HDAC2: variants seen among roughly 807,000 people sequenced by gnomAD.
HDAC2 encodes histone deacetylase 2.
A neutral mutation model predicts 68.5 loss-of-function variants in HDAC2; 5 were observed. The ratio of observed to expected loss-of-function variants is 0.07; its 90% CI spans 0.04 to 0.15. HDAC2 has a LOEUF of 0.15. Ranked by LOEUF, HDAC2 falls within the 10% of genes least tolerant of loss-of-function variation. The probability of loss-of-function intolerance (pLI) is 1.00; values close to 1 mark genes in which losing one functional copy is unlikely to be tolerated. For missense variants in HDAC2, 291 were observed against 600.8 expected (o/e 0.48, Z 5.39); for synonymous variants, 182 against 191.3 (o/e 0.95, Z 0.40).
chr6:113,963,049 C>G (rs1776726329), intron 1 of HDAC2, among the ~76,000 whole-genome samples: 1 of 150,962 alleles, frequency 6.6e-6, no homozygotes. Flanking sequence ...AATTCTGTAT[C>G]TCACAATTCT....
intron 1 of HDAC2, among the ~76,000 whole-genome samples, chr6:113,968,893 G>A (rs989753907): frequency 3.3e-5 from 5 of 152,116 alleles, no homozygotes; most frequent in African/African-American, 1.2e-4. Flanking sequence ...GTTCCATTGT[G>A]GTGACAACAA....
At position 113,945,385 on chromosome 6, in the gene HDAC2, A is replaced by C; in HGVS notation, c.1068T>G (p.Thr356=). 6.8e-7 allele frequency: 1 copy of C among 1,467,904 alleles called. No homozygotes were observed. The highest frequency in any genetic ancestry group is 9.5e-7 in the Non-Finnish European group (1 of 1,048,240). The allele number at this position is 1,467,904 out of a possible 1,614,324, so 90.9% of individuals were successfully genotyped here. A position where few individuals can be genotyped will look rare whatever the true frequency, so the allele number is the denominator to read the frequency against. Residue 356 remains threonine, a synonymous_variant, in exon 10 of 14, where the codon ACT becomes ACG. Transcript: ENST00000519065. ...ISPSNMTNQN[T]PEYMEKIKQR... ...ACTTTATCTTTTCCATATATTCTGG[A>C]GTGTTCTGGTTTGTCATGTTTGAAG...
intron 2 of HDAC2, chr6:113,959,460 C>T (rs917491178): frequency 6.5e-6 from 1 of 153,080 alleles, no homozygotes; most frequent in Non-Finnish European, 1.5e-5. Flanking sequence ...CTGTACTATG[C>T]TTGGCCACAC....
At position 113,933,151 on chromosome 6, in the gene HDAC2, G is replaced by A. The variant is rs1775931175; in HGVS notation, c.*7907C>T. 1 of 152,158 alleles carries A rather than the reference G, an allele frequency of 6.6e-6. No individual in the cohort carries two copies. Among genetic ancestry groups the A allele is most frequent in the Non-Finnish European group, 1.5e-5 (1 of 68,008 alleles). The allele number at this position is 152,158 out of a possible 1,614,324, so 9.4% of individuals were successfully genotyped here. A position where few individuals can be genotyped will look rare whatever the true frequency, so the allele number is the denominator to read the frequency against. ...TGTTGACATCAAAACTTTGCAGTTTGCTTTCAAAATGATGCTCATGTTCTC... is the reference window on the plus strand; with the variant it reads ...TGTTGACATCAAAACTTTGCAGTTTACTTTCAAAATGATGCTCATGTTCTC... On this transcript the variant is annotated 3_prime_UTR_variant, in exon 14 of 14. Coordinates refer to ENST00000519065, the MANE Select transcript of HDAC2 (RefSeq NM_001527.4).
intron 1 of HDAC2, 30 bp downstream of exon 1, chr6:113,970,827 G>A: frequency 5.2e-6 from 8 of 1,524,726 alleles, no homozygotes; most frequent in Non-Finnish European, 6.1e-6. Context: ...GGCCCCGCGC[G>A]CCCACCCCGA....
intron 1 of HDAC2, among the ~76,000 whole-genome samples, chr6:113,960,959 G>A (rs1776669696): frequency 6.6e-6 from 1 of 152,048 alleles, no homozygotes; most frequent in Non-Finnish European, 1.5e-5. Flanking sequence ...CACTGCATTT[G>A]CATTGTATTA....
chr6:113,965,368 G>GTT (rs201133460), intron 1 of HDAC2, among the ~76,000 whole-genome samples: 23 of 144,368 alleles, frequency 1.6e-4, no homozygotes, highest in Middle Eastern at 3.5e-3. Context: ...TACTTTTTTT[G>GTT]TTTTTTTTTT....
At chr6:113,966,551 C>T (rs1419184870) in intron 1 of HDAC2, among the ~76,000 whole-genome samples, 4 of 126,006 alleles carry the variant, frequency 3.2e-5, no homozygotes, top group African/African-American at 8.9e-5. Context: ...AGCAAAATTC[C>T]ATCTCAAAAA....
chr6:113,957,810 T>C (rs1248572312), intron 3 of HDAC2, among the ~76,000 whole-genome samples: 2 of 152,066 alleles, frequency 1.3e-5, no homozygotes, highest in African/African-American at 4.8e-5. Flanking sequence ...TTAATAGAAC[T>C]CATTATTATG....
In HDAC2 at chr6:113,939,890, TTAATA is replaced by T. The variant is rs1382496429; in HGVS notation, c.*1163_*1167del. 1 of 152,206 alleles carries T rather than the reference TTAATA, an allele frequency of 6.6e-6. No individual in the cohort carries two copies. The highest frequency in any genetic ancestry group is 2.4e-5 in the African/African-American group (1 of 41,450). The allele number at this position is 152,206 out of a possible 1,614,324, so 9.4% of individuals were successfully genotyped here. ...GGCTTGTAGAGAAATATTTTTTCTTTTAATATTTTACTGCACTGAAGAGAAATACT... is the reference window on the plus strand; with the variant it reads ...GGCTTGTAGAGAAATATTTTTTCTTTTTTTACTGCACTGAAGAGAAATACT... On this transcript the variant is annotated 3_prime_UTR_variant, in exon 14 of 14. Coordinates refer to ENST00000519065, the MANE Select transcript of HDAC2 (RefSeq NM_001527.4).
Position 113,936,324 on chromosome 6 carries a change from GCA to G in HDAC2, c.*4732_*4733del, listed in dbSNP as rs1442872934. On this transcript the variant is annotated 3_prime_UTR_variant, in exon 14 of 14. Coordinates refer to ENST00000519065, the MANE Select transcript of HDAC2 (RefSeq NM_001527.4). Reference sequence around the variant, plus strand: ...TCTTGTGGTACAGTGAGGAAATGCAGCAATTGAGAAGCTTCTAAATGCTGTAA... The same window carrying G: ...TCTTGTGGTACAGTGAGGAAATGCAGATTGAGAAGCTTCTAAATGCTGTAA... 1 of 152,122 alleles carries G rather than the reference GCA, an allele frequency of 6.6e-6. No individual in the cohort carries two copies. Among genetic ancestry groups the G allele is most frequent in the African/African-American group, 2.4e-5 (1 of 41,430 alleles). 9.4% of individuals were successfully genotyped at this position (152,122 alleles called of 1,614,324 possible). A position where few individuals can be genotyped will look rare whatever the true frequency, so the allele number is the denominator to read the frequency against.
chr6:113,966,326 G>C (rs1413737887), intron 1 of HDAC2, among the ~76,000 whole-genome samples: 1 of 152,066 alleles, frequency 6.6e-6, no homozygotes, highest in Non-Finnish European at 1.5e-5. Context: ...GAGGTGGGTG[G>C]ATCACCCCAG....
intron 9 of HDAC2, 128 bp downstream of exon 9, chr6:113,945,880 T>A: frequency 1.3e-6 from 1 of 752,430 alleles, no homozygotes; most frequent in Non-Finnish European, 2.3e-6. Context: ...TTAAGTGTAT[T>A]ATATCCATTT....
chr6:113,948,931 G>A, intron 8 of HDAC2, 48 bp downstream of exon 8: 2 of 1,596,820 alleles, frequency 1.3e-6, no homozygotes, highest in Non-Finnish European at 1.7e-6. Flanking sequence ...TTCTTGGGTG[G>A]AAGAAAAACC....
intron 1 of HDAC2, among the ~76,000 whole-genome samples, chr6:113,961,871 T>C (rs1011033313): frequency 2.0e-5 from 3 of 152,152 alleles, no homozygotes; most frequent in Non-Finnish European, 4.4e-5. Flanking sequence ...CCCATAATAA[T>C]TTCCAATATC....
At chr6:113,957,512 C>T (rs1776583490) in intron 3 of HDAC2, among the ~76,000 whole-genome samples, 1 of 150,540 alleles carries the variant, frequency 6.6e-6, no homozygotes, top group Admixed American at 6.6e-5. Context: ...GACAGAGTCT[C>T]ACTCTGTCGC....
At chr6:113,945,780 C>T (rs1478418249) in intron 9 of HDAC2, among the ~76,000 whole-genome samples, 2 of 152,144 alleles carry the variant, frequency 1.3e-5, no homozygotes, top group Admixed American at 1.3e-4. Context: ...ATAAAACAGG[C>T]TCAGTATTAG....
chr6:113,944,091 C>T (rs143407420), intron 11 of HDAC2, among the ~76,000 whole-genome samples, 189 bp downstream of exon 11: 1 of 152,294 alleles, frequency 6.6e-6, no homozygotes, highest in African/African-American at 2.4e-5. Flanking sequence ...TCCAGCCATA[C>T]AAACTGAAAC....
In HDAC2 at chr6:113,939,797, C is replaced by A. The variant is rs544946427; in HGVS notation, c.*1261G>T. On this transcript the variant is annotated 3_prime_UTR_variant, in exon 14 of 14. Transcript: ENST00000519065. ...AGCAAAAGTAAAATATTTGTTAAGTCGGGGTGGGTGCACAGCTGTTCATTA... is the reference window on the plus strand; with the variant it reads ...AGCAAAAGTAAAATATTTGTTAAGTAGGGGTGGGTGCACAGCTGTTCATTA... 1 of 151,988 alleles carries A rather than the reference C, an allele frequency of 6.6e-6. No individual in the cohort carries two copies. Among genetic ancestry groups the A allele is most frequent in the Admixed American group, 6.5e-5 (1 of 15,270 alleles). 9.4% of individuals were successfully genotyped at this position (151,988 alleles called of 1,614,324 possible).
Sources: allele counts gnomAD v4.1 joint callset (sites outside exome capture counted in the v4.1 genomes callset), GRCh38; gene constraint gnomAD v4.1.1; transcripts MANE v1.5; gene names NCBI Gene and HGNC (gene_info 2026-07-23, HGNC 2026-07-21).